The following DOCK4 variants were observed in gnomAD, a reference collection of about 807,000 sequenced individuals.
The protein encoded by DOCK4 is dedicator of cytokinesis protein 4.
In DOCK4, 97 loss-of-function variants were observed where a neutral mutation model predicts 268.1. The observed-to-expected ratio is 0.36, with a 90% CI of 0.31 to 0.43. The LOEUF is 0.43. Ranked by LOEUF, DOCK4 falls within the 20% of genes least tolerant of loss-of-function variation. The pLI is 1.00. For synonymous variants in DOCK4, 954 were observed against 887.2 expected, an observed-to-expected ratio of 1.08 and a Z score of -1.34; for missense variants, 2,145 against 2,455.7, an observed-to-expected ratio of 0.87 and a Z score of 2.67.
intron 35 of DOCK4, among the ~76,000 whole-genome samples, chr7:111,781,981 G>A (rs948955296): frequency 1.3e-5 from 2 of 152,056 alleles, no homozygotes; most frequent in African/African-American, 4.8e-5. Flanking sequence ...TAGATGGCGA[G>A]GATTCATTTA....
At chr7:111,850,026 T>A (rs539596971) in intron 23 of DOCK4, among the ~76,000 whole-genome samples, 8 of 152,264 alleles carry the variant, frequency 5.3e-5, no homozygotes, top group African/African-American at 1.9e-4. Flanking sequence ...AAATTGCTGC[T>A]ATTTCTTATG....
In DOCK4 at chr7:111,896,486, G is replaced by GCTTTTTTTTTT. The variant is rs750840339; in HGVS notation, c.1481-769_1481-768insAAAAAAAAAAG. 2.2e-5 allele frequency among the ~76,000 whole-genome samples: 3 copies of GCTTTTTTTTTT among 134,006 alleles called. 1 individual carries two copies. The allele number at this position is 134,006 out of a possible 152,430, so 87.9% of individuals were successfully genotyped here. A position where few individuals can be genotyped will look rare whatever the true frequency, so the allele number is the denominator to read the frequency against. On this transcript the variant is annotated intron_variant, in intron 15 of 52. Transcript: ENST00000428084. Reference sequence around the variant, plus strand: ...GTACCATTCCAGTTCTTTCCACCAAGGTTTTTTTTTTTTTTTTTTTCCTCC... The same window carrying GCTTTTTTTTTT: ...GTACCATTCCAGTTCTTTCCACCAAGCTTTTTTTTTTGTTTTTTTTTTTTTTTTTTTCCTCC...
At chr7:112,178,111 C>G (rs547561271) in intron 1 of DOCK4, among the ~76,000 whole-genome samples, 17 of 152,330 alleles carry the variant, frequency 1.1e-4, no homozygotes, top group Non-Finnish European at 1.8e-4. Context: ...TTCCCTGAGA[C>G]CTTTCTGAAG....
chr7:111,946,566 T>C (rs1045336272), intron 8 of DOCK4, among the ~76,000 whole-genome samples: 2 of 152,338 alleles, frequency 1.3e-5, no homozygotes, highest in South Asian at 2.1e-4. Flanking sequence ...TAAATACTTA[T>C]GCATGCCATT....
At chr7:111,936,395 T>A (rs186628867) in intron 11 of DOCK4, among the ~76,000 whole-genome samples, 34 of 152,296 alleles carry the variant, frequency 2.2e-4, no homozygotes, top group Admixed American at 1.1e-3. Context: ...ACTGTTAAGG[T>A]TCTTGAGGAC....
intron 1 of DOCK4, among the ~76,000 whole-genome samples, chr7:112,134,031 T>C (rs190513910): frequency 2.6e-5 from 4 of 152,324 alleles, no homozygotes; most frequent in African/African-American, 4.8e-5. Context: ...ACTTGTGCCA[T>C]GGTAGGAGGC....
At chr7:112,205,653 C>A (rs1009620398) in intron 1 of DOCK4, among the ~76,000 whole-genome samples, 3 of 152,158 alleles carry the variant, frequency 2.0e-5, no homozygotes, top group African/African-American at 7.2e-5. Flanking sequence ...TGGGGGTGTT[C>A]TCTCTGCCCG....
In DOCK4 at chr7:111,915,798, A is replaced by T; in HGVS notation, c.1173T>A (p.Phe391Leu). The change falls in exon 13 of 53, where the codon TTT becomes TTA. Residue 391 changes from phenylalanine to leucine, a missense_variant. Phe to Leu is a conservative substitution (Grantham distance 22). Transcript: ENST00000428084. ...ACCTACCAGGCATAATAATATTTGA[A>T]AATCCCAGCTTCCTTGTTATGGATA... ...HGVSITRKLGFSNIIMPGEMR... is the reference protein window; with the variant it reads ...HGVSITRKLGLSNIIMPGEMR... 1 of 1,613,306 alleles carries T rather than the reference A, an allele frequency of 6.2e-7. No homozygotes were observed. Among genetic ancestry groups the T allele is most frequent in the East Asian group, 2.2e-5 (1 of 44,850 alleles).
intron 1 of DOCK4, among the ~76,000 whole-genome samples, chr7:112,007,516 T>C (rs143039602): frequency 6.6e-6 from 1 of 152,342 alleles, no homozygotes; most frequent in East Asian, 1.9e-4. Flanking sequence ...TCTTCTAAAA[T>C]GGCAAGTCAC....
At chr7:112,018,848 G>A (rs1802087131) in intron 1 of DOCK4, among the ~76,000 whole-genome samples, 1 of 152,158 alleles carries the variant, frequency 6.6e-6, no homozygotes, top group Non-Finnish European at 1.5e-5. Context: ...CAATAGGTCT[G>A]GTGTTAGGGC....
intron 13 of DOCK4, among the ~76,000 whole-genome samples, chr7:111,911,780 A>G (rs558332124): frequency 6.6e-6 from 1 of 152,114 alleles, no homozygotes; most frequent in Non-Finnish European, 1.5e-5. Flanking sequence ...GAATTCTTCC[A>G]GCAGCTGGCT....
intron 39 of DOCK4, 60 bp from the exon 40 acceptor site, chr7:111,760,382 CCAAAAAA>C: frequency 6.5e-7 from 1 of 1,542,918 alleles, no homozygotes; most frequent in East Asian, 2.3e-5. Context: ...ACAGACAGAG[CCAAAAAA>C]CATGACACTG....
At chr7:111,916,360 A>G (rs903228887) in intron 12 of DOCK4, among the ~76,000 whole-genome samples, 3 of 152,210 alleles carry the variant, frequency 2.0e-5, no homozygotes, top group Admixed American at 2.0e-4. Flanking sequence ...AAATCTGAAG[A>G]CATATTAATT....
At chr7:112,054,120 A>C (rs1280310048) in intron 1 of DOCK4, among the ~76,000 whole-genome samples, 1 of 152,128 alleles carries the variant, frequency 6.6e-6, no homozygotes, top group South Asian at 2.1e-4. Context: ...CCAGGAGTTC[A>C]AGACCAGCCT....
At chr7:111,753,999 C>T (rs1796860832) in intron 42 of DOCK4, among the ~76,000 whole-genome samples, 1 of 152,158 alleles carries the variant, frequency 6.6e-6, no homozygotes, top group African/African-American at 2.4e-5. Context: ...ATGACATTTC[C>T]AAGGGCTAGG....
At chr7:112,139,092 T>G (rs1814642774) in intron 1 of DOCK4, among the ~76,000 whole-genome samples, 1 of 152,134 alleles carries the variant, frequency 6.6e-6, no homozygotes, top group Non-Finnish European at 1.5e-5. Flanking sequence ...CTGAGCAGAC[T>G]AAGGCAGTAA....
intron 1 of DOCK4, among the ~76,000 whole-genome samples, chr7:112,048,912 T>C (rs1805098446): frequency 6.6e-6 from 1 of 152,142 alleles, no homozygotes; most frequent in Non-Finnish European, 1.5e-5. Context: ...ATTAGCTATT[T>C]ATCCTGATGA....
intron 8 of DOCK4, among the ~76,000 whole-genome samples, chr7:111,974,803 T>A (rs969459677): frequency 3.3e-5 from 5 of 152,086 alleles, no homozygotes; most frequent in Admixed American, 3.3e-4. Context: ...GATATAGGAA[T>A]AAAATAAGGA....
intron 5 of DOCK4, among the ~76,000 whole-genome samples, chr7:111,993,359 G>C (rs1799683971): frequency 6.6e-6 from 1 of 152,130 alleles, no homozygotes; most frequent in Non-Finnish European, 1.5e-5. Flanking sequence ...AAATAGCATG[G>C]GGTCTTCCCT....
Sources: gnomAD v4.1 joint callset for allele counts (sites outside exome capture counted in the v4.1 genomes callset) on GRCh38, gnomAD v4.1.1 for gene constraint, MANE v1.5 for transcripts, NCBI Gene and HGNC (gene_info 2026-07-23, HGNC 2026-07-21) for gene names.